PPP1R37: variants seen among roughly 807,000 people sequenced by gnomAD.
PPP1R37 encodes protein phosphatase 1 regulatory subunit 37, also known as leucine rich repeat containing 68.
PPP1R37 carries 21 observed loss-of-function variants against 61.0 expected under a neutral mutation model. The ratio of observed to expected loss-of-function variants is 0.34; its 90% CI spans 0.24 to 0.50. The LOEUF (loss-of-function observed/expected upper bound fraction) is 0.50, where lower values mean the gene tolerates loss of function less well. Among genes scored for constraint, PPP1R37 ranks in the 20% least tolerant of loss-of-function variants. The pLI is 0.98. For synonymous variants in PPP1R37, 443 were observed against 433.5 expected (o/e 1.02, Z -0.27); for missense variants, 910 against 952.7 (o/e 0.96, Z 0.59).
chr19:45,117,645 G>A (rs1968286820), intron 1 of PPP1R37, among the ~76,000 whole-genome samples: 2 of 152,188 alleles, frequency 1.3e-5, no homozygotes, highest in Admixed American at 1.3e-4. Flanking sequence ...TGCCTACCAT[G>A]GGCATGCAGT....
chr19:45,097,347 C>T (rs1206550023), intron 1 of PPP1R37, among the ~76,000 whole-genome samples: 3 of 151,878 alleles, frequency 2.0e-5, no homozygotes, highest in Admixed American at 6.6e-5. Context: ...CTCAGTTATC[C>T]GGAAGCTGTT....
At chr19:45,125,332 G>A (rs1163536980) in intron 1 of PPP1R37, among the ~76,000 whole-genome samples, 9 of 152,056 alleles carry the variant, frequency 5.9e-5, no homozygotes, top group Non-Finnish European at 1.0e-4. Context: ...GTGTGGTGGC[G>A]CGTGCCTGTA....
intron 1 of PPP1R37, among the ~76,000 whole-genome samples, chr19:45,132,383 G>T (rs1968489208): frequency 6.6e-6 from 1 of 151,648 alleles, no homozygotes; most frequent in African/African-American, 2.4e-5. Context: ...ACAGCTCACT[G>T]CAGCCTCAAA....
intron 1 of PPP1R37, among the ~76,000 whole-genome samples, chr19:45,125,770 T>G (rs568505164): frequency 6.6e-6 from 1 of 152,314 alleles, no homozygotes; most frequent in African/African-American, 2.4e-5. Flanking sequence ...AAGAGGCCTA[T>G]CCAGGCTCCT....
chr19:45,140,153 C>T, intron 2 of PPP1R37, 83 bp from the exon 3 acceptor site: 1 of 1,233,614 alleles, frequency 8.1e-7, no homozygotes, highest in Non-Finnish European at 1.1e-6. Flanking sequence ...CCCTGCCTGA[C>T]CTCAGGCATA....
In PPP1R37 at chr19:45,140,200, G is replaced by A. The variant is rs564158699; in HGVS notation, c.301-36G>A. The A allele has an allele frequency of 1.9e-5, 29 of 1,529,280 alleles. No individual in the cohort carries two copies. The South Asian group carries it at 2.1e-4, about 11-fold the overall frequency. 94.7% of individuals were successfully genotyped at this position (1,529,280 alleles called of 1,614,324 possible). ...GGGCCTCGGCTGCCCCCCTGTTCAA[G>A]TGTCTTCCTGCCTTAACCCCACTCT... is the stretch of plus-strand genomic sequence containing the variant. On this transcript the variant is annotated intron_variant, in intron 2 of 12. Transcript: ENST00000221462.
chr19:45,141,726 C>T (rs1286084544), intron 5 of PPP1R37, among the ~76,000 whole-genome samples: 1 of 152,198 alleles, frequency 6.6e-6, no homozygotes, highest in African/African-American at 2.4e-5. Flanking sequence ...TGGCCATGGT[C>T]GCCATCCCCA....
intron 1 of PPP1R37, chr19:45,136,797 C>T (rs1773045854): frequency 6.6e-6 from 1 of 152,386 alleles, no homozygotes; most frequent in African/African-American, 2.4e-5. Context: ...AGAGCGGAGT[C>T]CCAGGGTCTG....
rs1748750648 is a variant in PPP1R37 at position 45,121,891 on chromosome 19, T to C, written c.203-16623T>C. Among the ~76,000 whole-genome samples the C allele has an allele frequency of 6.6e-6, 1 of 152,152 alleles. No individual in the cohort carries two copies. Among genetic ancestry groups the C allele is most frequent in the Non-Finnish European group, 1.5e-5 (1 of 68,014 alleles). ...CATGACTGATCAGACTCTGATTCTG[T>C]GTGGAGCAGCCTGGGGAAGGGCTTG... is the stretch of plus-strand genomic sequence containing the variant. On this transcript the variant is annotated intron_variant, in intron 1 of 12. Transcript: ENST00000221462. This position sits in a 1 kb window ranked among gnomAD's most constrained non-coding sequence, Gnocchi z 4.2.
chr19:45,139,254 C>T (rs550558140), intron 2 of PPP1R37, among the ~76,000 whole-genome samples: 1 of 152,206 alleles, frequency 6.6e-6, no homozygotes, highest in Non-Finnish European at 1.5e-5. Flanking sequence ...TAACACATAT[C>T]CTCAGATTTA....
chr19:45,120,401 C>T (rs1169381869), intron 1 of PPP1R37, among the ~76,000 whole-genome samples: 1 of 152,124 alleles, frequency 6.6e-6, no homozygotes, highest in East Asian at 1.9e-4. Flanking sequence ...GAAACCTGTT[C>T]CCTGTTGGCT....
At position 45,145,499 on chromosome 19, in the gene PPP1R37, G is replaced by C; in HGVS notation, c.1443G>C (p.Glu481Asp). ...CCATGCCTGAGACCACCGCCACCGAGCCCCAGCCCGACGACGAGCCCGCCG... is the reference window on the plus strand; with the variant it reads ...CCATGCCTGAGACCACCGCCACCGACCCCCAGCCCGACGACGAGCCCGCCG... ...SASMPETTAT[E>D]PQPDDEPAAG... Residue 481 changes from glutamate to aspartate, a missense_variant, in exon 11 of 13, where the codon GAG becomes GAC. This residue lies in a region of PPP1R37 where 549 missense variants were observed against 505.1 expected (regional missense o/e 1.09). Coordinates refer to ENST00000221462, the MANE Select transcript of PPP1R37 (RefSeq NM_019121.2). 6.5e-7 allele frequency: 1 copy of C among 1,534,292 alleles called. No homozygotes were observed. Among genetic ancestry groups the C allele is most frequent in the South Asian group, 1.2e-5 (1 of 83,984 alleles).
At chr19:45,135,325 G>A (rs972939589) in intron 1 of PPP1R37, among the ~76,000 whole-genome samples, 3 of 152,228 alleles carry the variant, frequency 2.0e-5, no homozygotes, top group African/African-American at 7.2e-5. Context: ...TATCCACCCT[G>A]ATGCCACAGC....
Position 45,141,363 on chromosome 19 carries a change from G to T in PPP1R37, c.489G>T (p.Ser163=). The T allele has an allele frequency of 6.5e-7, 1 of 1,535,988 alleles. No homozygotes were observed. Among genetic ancestry groups the T allele is most frequent in the Non-Finnish European group, 8.7e-7 (1 of 1,146,826 alleles). Residue 163 remains serine, a synonymous_variant, in exon 5 of 13, where the codon TCG becomes TCT. Coordinates refer to ENST00000221462, the MANE Select transcript of PPP1R37 (RefSeq NM_019121.2). ...TCGACATGATCGAGTACTACGAGTC[G>T]GCCACCCACCTCAACATCTCCTTCA... is the stretch of plus-strand genomic sequence containing the variant. ...ALFDMIEYYE[S]ATHLNISFNK...
In PPP1R37 at chr19:45,141,417, G is replaced by A; in HGVS notation, c.543G>A (p.Gln181=). 1.3e-6 allele frequency: 2 copies of A among 1,535,884 alleles called. No individual in the cohort carries two copies. Among genetic ancestry groups the A allele is most frequent in the Non-Finnish European group, 1.7e-6 (2 of 1,146,784 alleles). The part of the protein sequence containing the change: ...FNKHIGTRGW[Q]AAAHMMRKTS... ...AGCACATCGGCACCCGGGGCTGGCA[G>A]GCGGCCGCCCACATGATGCGCAAGG... is the stretch of plus-strand genomic sequence containing the variant. The change falls in exon 5 of 13, where the codon CAG becomes CAA. Residue 181 remains glutamine, a synonymous_variant. Coordinates refer to ENST00000221462, the MANE Select transcript of PPP1R37 (RefSeq NM_019121.2).
chr19:45,132,497 T>TC (rs1968490700), intron 1 of PPP1R37, among the ~76,000 whole-genome samples: 1 of 152,128 alleles, frequency 6.6e-6, no homozygotes, highest in Admixed American at 6.6e-5. Context: ...AGACAGGGTC[T>TC]CACTTTGTTG....
chr19:45,093,573 G>C (rs1204233593), intron 1 of PPP1R37, 46 bp downstream of exon 1: 1 of 1,468,318 alleles, frequency 6.8e-7, no homozygotes, highest in Non-Finnish European at 9.2e-7. Context: ...AGGGACCCGG[G>C]AGTCGGGAGG....
intron 1 of PPP1R37, among the ~76,000 whole-genome samples, chr19:45,107,448 T>TA (rs1968146661): frequency 6.6e-6 from 1 of 151,772 alleles, no homozygotes; most frequent in South Asian, 2.1e-4. Flanking sequence ...TAAAAAAATG[T>TA]AAAAAATTAA....
At chr19:45,131,296 T>C (rs1362709341) in intron 1 of PPP1R37, among the ~76,000 whole-genome samples, 2 of 152,204 alleles carry the variant, frequency 1.3e-5, no homozygotes, top group Non-Finnish European at 2.9e-5. Context: ...CGCCAGCTGC[T>C]GCACAGCAGC....
Sources: allele counts gnomAD v4.1 joint callset (sites outside exome capture counted in the v4.1 genomes callset), GRCh38; gene constraint gnomAD v4.1.1; regional missense constraint gnomAD v4.1.1; non-coding constraint Gnocchi (gnomAD v3.1); transcripts MANE v1.5; gene names NCBI Gene and HGNC (gene_info 2026-07-23, HGNC 2026-07-21).